The following ATP10D variants were observed in gnomAD, a reference collection of about 807,000 sequenced individuals.
ATP10D encodes ATPase phospholipid transporting 10D (putative).
In ATP10D, 89 loss-of-function variants were observed where a neutral mutation model predicts 144.8. The observed-to-expected ratio is 0.61, with a 90% CI of 0.52 to 0.73. The LOEUF (loss-of-function observed/expected upper bound fraction) is 0.73, where lower values mean the gene tolerates loss of function less well. ATP10D is among the 30% of genes least tolerant of loss of function. The pLI, the probability that ATP10D is intolerant of heterozygous loss-of-function variation, is 0.00. For missense variants in ATP10D, 1,603 were observed against 1,714.8 expected (o/e 0.93, Z 1.15); for synonymous variants, 571 against 615.1 (o/e 0.93, Z 1.06).
rs6843325 is a variant in ATP10D at position 47,546,793 on chromosome 4, T to A, written c.1566T>A (p.Phe522Leu). 1,616 of 1,613,784 alleles carry A rather than the reference T, an allele frequency of 1.0e-3. 16 individuals are homozygous for A. In the African/African-American group the frequency reaches 0.019, roughly 19 times the overall value. The change falls in exon 10 of 23, where the codon TTT becomes TTA. Residue 522 changes from phenylalanine (F) to leucine (L), a missense_variant. By Grantham distance (22) the Phe-to-Leu change is conservative (BLOSUM62 0). Coordinates refer to ENST00000273859, the MANE Select transcript of ATP10D (RefSeq NM_020453.4). ...CAAATCATCTTGCTGGGAGCTCTTT[T>A]ACTCTAGGAAGTGGAGAAGGAGCCA... ...KPSNHLAGSS[F>L]TLGSGEGASE...
In ATP10D at chr4:47,486,603, C is replaced by T. The variant is rs965584062; in HGVS notation, c.-38+1084C>T. The stretch of plus-strand genomic sequence containing the variant: ...GCAACGGAGTAGTTTGTTCAGTGCC[C>T]GCAGCAAGAACCTCCCACTCCGATC... On this transcript the variant is annotated intron_variant, in intron 1 of 22. Coordinates refer to ENST00000273859, the MANE Select transcript of ATP10D (RefSeq NM_020453.4). Among the ~76,000 whole-genome samples, 8 of 152,124 alleles carry T rather than the reference C, an allele frequency of 5.3e-5. No individual in the cohort carries two copies. The East Asian group carries it at 5.8e-4, about 11-fold the overall frequency.
chr4:47,503,100 G>T (rs1715801858), intron 1 of ATP10D, among the ~76,000 whole-genome samples: 1 of 152,222 alleles, frequency 6.6e-6, no homozygotes, highest in South Asian at 2.1e-4. Context: ...TACTCAGGAG[G>T]CTGAGGCAGG....
At chr4:47,513,035 G>A (rs931600638) in intron 2 of ATP10D, among the ~76,000 whole-genome samples, 23 of 152,094 alleles carry the variant, frequency 1.5e-4, no homozygotes, top group African/African-American at 5.6e-4. Context: ...CTCTTTACCA[G>A]AAAAGATATT....
rs767742740 is a variant in ATP10D at position 47,512,580 on chromosome 4, C to T, written c.40C>T (p.Arg14Trp). 8.7e-6 allele frequency: 14 copies of T among 1,614,064 alleles called. No individual in the cohort carries two copies. The highest frequency in any genetic ancestry group is 2.7e-5 in the African/African-American group (2 of 75,034). The change falls in exon 2 of 23, where the codon CGG becomes TGG. Residue 14 changes from arginine to tryptophan, a missense_variant. Transcript: ENST00000273859. ...ALQWARYHWRRLIRGATRDDD... is the reference protein window; with the variant it reads ...ALQWARYHWRWLIRGATRDDD... ...CCAATGGGCCAGATATCACTGGCGA[C>T]GGCTGATCAGAGGTGCAACCAGGGA...
chr4:47,548,533 C>T (rs1718558742), intron 10 of ATP10D, among the ~76,000 whole-genome samples: 1 of 152,196 alleles, frequency 6.6e-6, no homozygotes, highest in Non-Finnish European at 1.5e-5. Flanking sequence ...GAATCAACAT[C>T]TAGCACAAAG....
intron 10 of ATP10D, 138 bp downstream of exon 10, chr4:47,547,000 A>G: frequency 1.4e-6 from 1 of 731,348 alleles, no homozygotes; most frequent in Non-Finnish European, 2.2e-6. Context: ...CAGCAAGATC[A>G]CCACACATAA....
intron 1 of ATP10D, among the ~76,000 whole-genome samples, chr4:47,495,366 C>T (rs1003057206): frequency 6.6e-6 from 1 of 151,900 alleles, no homozygotes; most frequent in South Asian, 2.1e-4. Flanking sequence ...ACCTCTTTTC[C>T]ACATCTTAAA....
intron 1 of ATP10D, among the ~76,000 whole-genome samples, chr4:47,490,705 C>T (rs572801156): frequency 1.3e-5 from 2 of 152,184 alleles, no homozygotes; most frequent in African/African-American, 4.8e-5. Flanking sequence ...GTGAAGAACA[C>T]GAGAGTGTGG....
intron 1 of ATP10D, among the ~76,000 whole-genome samples, chr4:47,501,243 A>G (rs1715666991): frequency 6.6e-6 from 1 of 152,186 alleles, no homozygotes; most frequent in African/African-American, 2.4e-5. Flanking sequence ...GATCAGTGAT[A>G]TTGGAGTTGG....
At chr4:47,538,267 T>C (rs537962664) in intron 9 of ATP10D, among the ~76,000 whole-genome samples, 1 of 152,304 alleles carries the variant, frequency 6.6e-6, no homozygotes, top group Admixed American at 6.5e-5. Context: ...GGTTTCTTTG[T>C]TCTTGTTAGT....
chr4:47,523,872 C>G (rs776388022), intron 4 of ATP10D, among the ~76,000 whole-genome samples: 6 of 152,020 alleles, frequency 3.9e-5, no homozygotes, highest in Non-Finnish European at 8.8e-5. Context: ...AAATAGTTTC[C>G]CTCCCCTTTC....
chr4:47,590,151 C>A (rs1020443692), intron 22 of ATP10D, among the ~76,000 whole-genome samples: 1 of 152,000 alleles, frequency 6.6e-6, no homozygotes, highest in African/African-American at 2.4e-5. Context: ...TTGTGTTCTA[C>A]AGTAATATGG....
intron 13 of ATP10D, chr4:47,560,109 C>G (rs1278641587): frequency 1.3e-5 from 2 of 152,160 alleles, no homozygotes; most frequent in Non-Finnish European, 2.9e-5. Context: ...TGATCCTACC[C>G]TTGATTAAAA....
At chr4:47,509,115 A>G (rs1407117587) in intron 1 of ATP10D, among the ~76,000 whole-genome samples, 1 of 152,210 alleles carries the variant, frequency 6.6e-6, no homozygotes, top group Non-Finnish European at 1.5e-5. Context: ...TACTGTGGGC[A>G]CAGTGCTGCC....
chr4:47,581,712 G>T lies in ATP10D; in HGVS notation c.3649-248G>T, dbSNP rs544378815. 4.7e-4 allele frequency among the ~76,000 whole-genome samples: 71 copies of T among 152,312 alleles called. 1 individual carries two copies. The Middle Eastern group carries it at 0.014, about 29-fold the overall frequency. ...TAAAAAGCTAGAAGTGTGAGTGAAA[G>T]GTTCCAGGAGGATCAATTATGATTC... On this transcript the variant is annotated intron_variant, in intron 20 of 22. Coordinates refer to ENST00000273859, the MANE Select transcript of ATP10D (RefSeq NM_020453.4).
At chr4:47,579,348 A>G (rs1720393926) in intron 19 of ATP10D, among the ~76,000 whole-genome samples, 1 of 152,258 alleles carries the variant, frequency 6.6e-6, no homozygotes, top group South Asian at 2.1e-4. Context: ...CTTGAATAAA[A>G]GAGTCAACAT....
chr4:47,545,625 A>G (rs1718374115), intron 9 of ATP10D, among the ~76,000 whole-genome samples: 2 of 152,228 alleles, frequency 1.3e-5, no homozygotes, highest in Admixed American at 1.3e-4. Flanking sequence ...GGAGGATTCT[A>G]GATTTCTGGC....
rs566782907 is a variant in ATP10D, at chr4:47,569,236, C to A, written c.3163+90C>A. 1.2e-5 allele frequency: 17 copies of A among 1,418,618 alleles called. No homozygotes were observed. The African/African-American group carries it at 2.4e-4, about 20-fold the overall frequency. The allele number at this position is 1,418,618 out of a possible 1,614,324, so 87.9% of individuals were successfully genotyped here. ...CTGTCTCTTTCTTCTCCCACTGTTCCTTCCATTTTCCTCCTCCCTTTTTCT... is the reference window on the plus strand; with the variant it reads ...CTGTCTCTTTCTTCTCCCACTGTTCATTCCATTTTCCTCCTCCCTTTTTCT... On this transcript the variant is annotated intron_variant, in intron 16 of 22. Coordinates refer to ENST00000273859, the MANE Select transcript of ATP10D (RefSeq NM_020453.4).
Position 47,572,996 on chromosome 4 carries a change from T to C in ATP10D, c.3365T>C (p.Val1122Ala). 1 of 1,614,038 alleles carries C rather than the reference T, an allele frequency of 6.2e-7. No individual in the cohort carries two copies. The highest frequency in any genetic ancestry group is 8.5e-7 in the Non-Finnish European group (1 of 1,179,910). ...ATTCTCTATTTTTTCTATAAGAATG[T>C]GGTATGTAACCCCAGAGAATTTGTC... The part of the protein sequence containing the change: ...NMILYFFYKN[V>A]AYVNLLFWYQ... Residue 1122 changes from valine (V) to alanine (A), a missense_variant and splice_region_variant, in exon 18 of 23, where the codon GTG (valine) becomes GCG (alanine). Physicochemically the swap from Val to Ala is moderately conservative, Grantham distance 64 (BLOSUM62 0). Coordinates refer to ENST00000273859, the MANE Select transcript of ATP10D (RefSeq NM_020453.4).
Sources: allele counts gnomAD v4.1 joint callset (sites outside exome capture counted in the v4.1 genomes callset), GRCh38; gene constraint gnomAD v4.1.1; transcripts MANE v1.5; gene names NCBI Gene and HGNC (gene_info 2026-07-23, HGNC 2026-07-21).